The following FGGY variants were observed in gnomAD, a reference collection of about 807,000 sequenced individuals.
The protein encoded by FGGY is FGGY carbohydrate kinase domain containing.
In FGGY, 72 loss-of-function variants were observed where a neutral mutation model predicts 71.3. The ratio of observed to expected loss-of-function variants is 1.01; its 90% CI spans 0.84 to 1.23. The LOEUF (loss-of-function observed/expected upper bound fraction) is 1.23, where lower values mean the gene tolerates loss of function less well. Among genes scored for constraint, FGGY ranks in the 50% most tolerant of loss-of-function variants. The probability of loss-of-function intolerance (pLI) is 0.00; values close to 1 mark genes in which losing one functional copy is unlikely to be tolerated. For missense variants in FGGY, 668 were observed against 682.3 expected (o/e 0.98, Z 0.23); for synonymous variants, 251 against 250.3 (o/e 1.00, Z -0.02).
intron 14 of FGGY, among the ~76,000 whole-genome samples, chr1:59,744,931 A>G (rs550313981): frequency 6.6e-6 from 1 of 152,344 alleles, no homozygotes; most frequent in East Asian, 1.9e-4. Flanking sequence ...CTTTGGGAAC[A>G]TGGAAGAGAT....
chr1:59,590,072 T>A (rs1166310548), intron 8 of FGGY, among the ~76,000 whole-genome samples: 1 of 150,978 alleles, frequency 6.6e-6, no homozygotes, highest in Non-Finnish European at 1.5e-5. Flanking sequence ...GAGAGAAGAA[T>A]CAAATAGACG....
chr1:59,744,820 G>C (rs145069529), intron 14 of FGGY, among the ~76,000 whole-genome samples: 1 of 152,254 alleles, frequency 6.6e-6, no homozygotes, highest in African/African-American at 2.4e-5. Flanking sequence ...AAAGTTAATG[G>C]CTTCTACCCT....
At chr1:59,747,604 A>T (rs192192699) in intron 14 of FGGY, among the ~76,000 whole-genome samples, 1 of 152,346 alleles carries the variant, frequency 6.6e-6, no homozygotes, top group East Asian at 1.9e-4. Flanking sequence ...AATTTACTCC[A>T]ACCCCCTCAT....
At position 59,321,530 on chromosome 1, in the gene FGGY, C is replaced by G; in HGVS notation, c.-14-6C>G. On this transcript the variant is annotated splice_polypyrimidine_tract_variant and splice_region_variant and intron_variant, in intron 1 of 15. Transcript: ENST00000303721. ...TTCATATGGTTTTTACACTTGCTTA[C>G]TATAGGTGGAGGAACTGCAATGTCT... is the stretch of plus-strand genomic sequence containing the variant. 1 of 1,612,454 alleles carries G rather than the reference C, an allele frequency of 6.2e-7. No individual in the cohort carries two copies. Among genetic ancestry groups the G allele is most frequent in the South Asian group, 1.1e-5 (1 of 90,738 alleles).
intron 12 of FGGY, among the ~76,000 whole-genome samples, chr1:59,663,005 C>G (rs527981364): frequency 5.0e-4 from 76 of 150,668 alleles, no homozygotes; most frequent in Non-Finnish European, 6.8e-4. Flanking sequence ...GATATTCCCC[C>G]TTTTGAGCAC....
intron 14 of FGGY, among the ~76,000 whole-genome samples, chr1:59,727,993 C>CT (rs1324233770): frequency 2.6e-5 from 4 of 152,018 alleles, no homozygotes; most frequent in Non-Finnish European, 5.9e-5. Context: ...CTGGCAATTT[C>CT]TTTCTTTTAA....
At chr1:59,388,416 G>A (rs1037277828) in intron 5 of FGGY, among the ~76,000 whole-genome samples, 4 of 152,276 alleles carry the variant, frequency 2.6e-5, no homozygotes, top group Admixed American at 2.6e-4. Context: ...GTAAGAGGAT[G>A]GGGTGCAAAG....
intron 10 of FGGY, among the ~76,000 whole-genome samples, chr1:59,628,739 A>G (rs946155466): frequency 2.0e-5 from 3 of 152,170 alleles, no homozygotes; most frequent in African/African-American, 7.2e-5. Context: ...ATTATCAGAG[A>G]AACCCATGTA....
intron 5 of FGGY, among the ~76,000 whole-genome samples, chr1:59,409,412 AT>A (rs2063246348): frequency 6.6e-6 from 1 of 152,094 alleles, no homozygotes; most frequent in African/African-American, 2.4e-5. Flanking sequence ...TCAGCCTTGA[AT>A]GTTCAGCCAT....
At chr1:59,421,930 T>C (rs535254114) in intron 5 of FGGY, among the ~76,000 whole-genome samples, 55 of 152,260 alleles carry the variant, frequency 3.6e-4, no homozygotes, top group African/African-American at 1.2e-3. Context: ...GTCTGGAGTT[T>C]TAAAGGAGAT....
At chr1:59,449,642 G>A (rs2072199947) in intron 5 of FGGY, among the ~76,000 whole-genome samples, 1 of 152,084 alleles carries the variant, frequency 6.6e-6, no homozygotes, top group Non-Finnish European at 1.5e-5. Context: ...TTGAAAATAA[G>A]TATTTTTTGT....
intron 9 of FGGY, among the ~76,000 whole-genome samples, chr1:59,612,216 G>A (rs990611022): frequency 1.1e-4 from 17 of 152,294 alleles, no homozygotes; most frequent in African/African-American, 3.4e-4. Flanking sequence ...AAGTTGAAAT[G>A]AAGGAAAAAA....
chr1:59,374,219 C>T (rs1192010644), intron 4 of FGGY, among the ~76,000 whole-genome samples: 1 of 151,972 alleles, frequency 6.6e-6, no homozygotes, highest in Non-Finnish European at 1.5e-5. Context: ...AAAAAACAAG[C>T]AACCCCATCA....
intron 5 of FGGY, among the ~76,000 whole-genome samples, chr1:59,380,273 T>C (rs895548714): frequency 4.0e-5 from 6 of 151,554 alleles, no homozygotes; most frequent in African/African-American, 1.5e-4. Flanking sequence ...CATGTGTCTT[T>C]ATAGCAGCAT....
rs1186444822 is a variant in FGGY at position 59,301,943 on chromosome 1, G to A, written c.-15+4793G>A. On this transcript the variant is annotated intron_variant, in intron 1 of 15. Transcript: ENST00000303721. ...GTAGAGATGGGGTTTCTCCATGTTG[G>A]TCAGGCTGGTCTTGATCTCCTGACC... is the stretch of plus-strand genomic sequence containing the variant. Among the ~76,000 whole-genome samples, 8 of 150,232 alleles carry A rather than the reference G, an allele frequency of 5.3e-5. 1 individual carries two copies. The highest frequency in any genetic ancestry group is 7.4e-5 in the Non-Finnish European group (5 of 67,588).
In FGGY at chr1:59,347,001, G is replaced by C. The variant is rs71646035; in HGVS notation, c.465+603G>C. On this transcript the variant is annotated intron_variant, in intron 4 of 15. Transcript: ENST00000303721. ...AATTTCTCTTTTAATCTTAGACGTC[G>C]TGGTGGAAGGAAAAATCAGTTAGCA... 4.2e-5 allele frequency among the ~76,000 whole-genome samples: 6 copies of C among 143,610 alleles called. No individual in the cohort carries two copies. In the East Asian group the frequency reaches 1.0e-3, roughly 24 times the overall value. The allele number at this position is 143,610 out of a possible 152,430, so 94.2% of individuals were successfully genotyped here. A position where few individuals can be genotyped will look rare whatever the true frequency, so the allele number is the denominator to read the frequency against.
chr1:59,424,440 G>A (rs1381113849), intron 5 of FGGY, among the ~76,000 whole-genome samples: 2 of 152,150 alleles, frequency 1.3e-5, no homozygotes, highest in Admixed American at 6.5e-5. Context: ...CCAGCTACTC[G>A]GGAAGCTGAG....
At chr1:59,518,701 A>G (rs1315502345) in intron 7 of FGGY, among the ~76,000 whole-genome samples, 1 of 152,122 alleles carries the variant, frequency 6.6e-6, no homozygotes, top group South Asian at 2.1e-4. Context: ...TGCTCCGGCC[A>G]TGTGAAGTGC....
chr1:59,348,855 C>A (rs187022401), intron 4 of FGGY, among the ~76,000 whole-genome samples: 166 of 152,216 alleles, frequency 1.1e-3, no homozygotes, highest in Middle Eastern at 3.4e-3. Context: ...TCTTAGGAGT[C>A]AGGAGTTTTC....
Sources: allele counts gnomAD v4.1 joint callset (sites outside exome capture counted in the v4.1 genomes callset), GRCh38; gene constraint gnomAD v4.1.1; transcripts MANE v1.5; gene names NCBI Gene and HGNC (gene_info 2026-07-23, HGNC 2026-07-21).